FGF1: variants seen among roughly 807,000 people sequenced by gnomAD.
The protein encoded by FGF1 is fibroblast growth factor 1.
A neutral mutation model predicts 13.4 loss-of-function variants in FGF1; 9 were observed. The observed-to-expected ratio is 0.67, with a 90% CI of 0.40 to 1.17. The LOEUF is 1.17. FGF1 is among the 50% of genes most tolerant of loss of function. The probability of loss-of-function intolerance (pLI) is 0.01; values close to 1 mark genes in which losing one functional copy is unlikely to be tolerated. For missense variants in FGF1, 156 were observed against 192.7 expected (o/e 0.81, Z 1.13); for synonymous variants, 93 against 79.0 (o/e 1.18, Z -0.94).
chr5:142,598,932 AT>A (rs1460649642), intron 3 of FGF1, among the ~76,000 whole-genome samples: 1 of 152,234 alleles, frequency 6.6e-6, no homozygotes, highest in African/African-American at 2.4e-5. Context: ...GGGAAAAGCC[AT>A]AAAACTGTGG....
intron 2 of FGF1, among the ~76,000 whole-genome samples, chr5:142,604,470 G>A (rs1757233070): frequency 6.6e-6 from 1 of 152,166 alleles, no homozygotes; most frequent in African/African-American, 2.4e-5. Flanking sequence ...TAAAATTAAA[G>A]AGTGTGGGCT....
intron 1 of FGF1, among the ~76,000 whole-genome samples, chr5:142,617,033 C>T (rs527388254): frequency 6.6e-6 from 1 of 152,302 alleles, no homozygotes; most frequent in African/African-American, 2.4e-5. Flanking sequence ...CAGTGTAGGT[C>T]CCATTTGCCT....
At chr5:142,608,065 C>CAAGAG (rs1425016996) in intron 2 of FGF1, among the ~76,000 whole-genome samples, 1 of 152,146 alleles carries the variant, frequency 6.6e-6, no homozygotes, top group Non-Finnish European at 1.5e-5. Flanking sequence ...CTGCCAGTGC[C>CAAGAG]AAGAGAAGTC....
rs1343286807 is a variant in FGF1, at chr5:142,618,921, G to GT, written c.-34-4761dup. Among the ~76,000 whole-genome samples the GT allele has an allele frequency of 7.7e-3, 830 of 108,252 alleles. 24 individuals are homozygous for GT. The highest frequency in any genetic ancestry group is 0.023 in the East Asian group (62 of 2,648). 71.0% of individuals were successfully genotyped at this position (108,252 alleles called of 152,430 possible). On this transcript the variant is annotated intron_variant, in intron 1 of 3. Coordinates refer to ENST00000337706, the MANE Select transcript of FGF1 (RefSeq NM_000800.5). ...GGCAAACACTGACATTTATTTTTTAGTTGTTTTGTTTTTTTTTTTTTTTTT... is the reference window on the plus strand; with the variant it reads ...GGCAAACACTGACATTTATTTTTTAGTTTGTTTTGTTTTTTTTTTTTTTTTT...
intron 1 of FGF1, chr5:142,680,080 C>G (rs1319661971): frequency 6.6e-6 from 1 of 152,174 alleles, no homozygotes; most frequent in African/African-American, 2.4e-5. Context: ...ATGCATGACA[C>G]CAGTTATAGT....
chr5:142,641,519 G>C (rs1765196455), intron 1 of FGF1, among the ~76,000 whole-genome samples: 1 of 151,826 alleles, frequency 6.6e-6, no homozygotes, highest in Non-Finnish European at 1.5e-5. Flanking sequence ...ATTTTAAATG[G>C]AACTTGACAT....
chr5:142,618,065 G>A (rs1429971492), intron 1 of FGF1, among the ~76,000 whole-genome samples: 1 of 152,188 alleles, frequency 6.6e-6, no homozygotes, highest in Non-Finnish European at 1.5e-5. Flanking sequence ...GCTGTCAGAG[G>A]AGGGGATTGT....
chr5:142,642,165 C>G (rs914409363), intron 1 of FGF1, among the ~76,000 whole-genome samples: 30 of 152,226 alleles, frequency 2.0e-4, no homozygotes, highest in Non-Finnish European at 3.7e-4. Context: ...GAGAAGCCAG[C>G]TGACCCTTGG....
chr5:142,620,816 T>C (rs1761428644), intron 1 of FGF1, among the ~76,000 whole-genome samples: 1 of 152,140 alleles, frequency 6.6e-6, no homozygotes, highest in Non-Finnish European at 1.5e-5. Flanking sequence ...ACATGGAGCA[T>C]TTACGAAAAT....
In FGF1 at chr5:142,592,566, G is replaced by A. The variant is rs1266096767; in HGVS notation, c.*2724C>T. On this transcript the variant is annotated 3_prime_UTR_variant, in exon 4 of 4. Coordinates refer to ENST00000337706, the MANE Select transcript of FGF1 (RefSeq NM_000800.5). ...AAATGAATCCATATGAGAGTCACGT[G>A]ACAGGAGCTGGCTATGAGACTTACT... is the stretch of plus-strand genomic sequence containing the variant. 2.5e-6 allele frequency: 1 copy of A among 396,998 alleles called. No homozygotes were observed. 24.6% of individuals were successfully genotyped at this position (396,998 alleles called of 1,614,324 possible).
chr5:142,608,561 T>TACAC (rs1412519502), intron 2 of FGF1, among the ~76,000 whole-genome samples: 6,913 of 101,770 alleles, frequency 0.068, 221 homozygotes, highest in African/African-American at 0.1. Context: ...TATATATATA[T>TACAC]ATATATATAT....
rs17224045 is a variant in FGF1 at position 142,592,539 on chromosome 5, G to A, written c.*2751C>T. ...ATGATGCTTTGTTCAGAGCTGGCCC[G>A]AAAATGAATCCATATGAGAGTCACG... On this transcript the variant is annotated 3_prime_UTR_variant, in exon 4 of 4. Coordinates refer to ENST00000337706, the MANE Select transcript of FGF1 (RefSeq NM_000800.5). 360 of 397,882 alleles carry A rather than the reference G, an allele frequency of 9.0e-4. 13 individuals carry two copies. Among genetic ancestry groups the A allele is most frequent in the East Asian group, 7.1e-3 (198 of 28,066 alleles). 24.6% of individuals were successfully genotyped at this position (397,882 alleles called of 1,614,324 possible).
rs768317949 is a variant in FGF1, at chr5:142,683,821, C to CAAAAAAAAA, written c.-35+2127_-35+2135dup. 6.9e-3 allele frequency among the ~76,000 whole-genome samples: 344 copies of CAAAAAAAAA among 49,626 alleles called. 5 individuals carry two copies. The highest frequency in any genetic ancestry group is 0.023 in the African/African-American group (260 of 11,532). 32.6% of individuals were successfully genotyped at this position (49,626 alleles called of 152,430 possible). ...GAGCAACAAGAGTGAAACTCTGTCT[C>CAAAAAAAAA]AAAAAAAAAAAAAAAAAAAAAAGGA... On this transcript the variant is annotated intron_variant, in intron 1 of 3. Coordinates refer to ENST00000337706, the MANE Select transcript of FGF1 (RefSeq NM_000800.5).
rs1754449093 is a variant in FGF1 at position 142,592,488 on chromosome 5, G to T, written c.*2802C>A. 2.5e-6 allele frequency: 1 copy of T among 398,424 alleles called. No individual in the cohort carries two copies. The highest frequency in any genetic ancestry group is 4.4e-6 in the Non-Finnish European group (1 of 225,926). The allele number at this position is 398,424 out of a possible 1,614,324, so 24.7% of individuals were successfully genotyped here. A position where few individuals can be genotyped will look rare whatever the true frequency, so the allele number is the denominator to read the frequency against. On this transcript the variant is annotated 3_prime_UTR_variant, in exon 4 of 4. Coordinates refer to ENST00000337706, the MANE Select transcript of FGF1 (RefSeq NM_000800.5). ...TACCTACCTCCACCACCATCACATT[G>T]CAAACGACCAAAAGCACATATGTTC... is the stretch of plus-strand genomic sequence containing the variant.
At chr5:142,692,704 CACAG>C (rs961876640) in intron 2 of FGF1, among the ~76,000 whole-genome samples, 87 of 150,652 alleles carry the variant, frequency 5.8e-4, no homozygotes, top group African/African-American at 2.1e-3. Flanking sequence ...CACACACACG[CACAG>C]ACACACACAC....
intron 2 of FGF1, among the ~76,000 whole-genome samples, chr5:142,602,661 A>G (rs1035580989): frequency 6.6e-6 from 1 of 152,078 alleles, no homozygotes; most frequent in Non-Finnish European, 1.5e-5. Context: ...GTATATTGCA[A>G]AAGACATACT....
At chr5:142,682,616 T>A (rs1274055272) in intron 1 of FGF1, among the ~76,000 whole-genome samples, 3 of 152,150 alleles carry the variant, frequency 2.0e-5, no homozygotes, top group African/African-American at 4.8e-5. Context: ...ACAGAATCTA[T>A]GTACTTAGCT....
upstream of FGF1, among the ~76,000 whole-genome samples, chr5:142,689,926 C>T (rs1231761874): frequency 1.3e-5 from 2 of 149,366 alleles, no homozygotes; most frequent in African/African-American, 2.4e-5. Context: ...TGGTCTCGAT[C>T]TCCTGATCTC....
At chr5:142,691,930 T>C (rs77332201) in intron 2 of FGF1, among the ~76,000 whole-genome samples, 2,885 of 152,328 alleles carry the variant, frequency 0.019, 84 homozygotes, top group East Asian at 0.11. Flanking sequence ...TATGGGACTA[T>C]AGGCTGTGAA....
Sources: gnomAD v4.1 joint callset for allele counts (sites outside exome capture counted in the v4.1 genomes callset) on GRCh38, gnomAD v4.1.1 for gene constraint, MANE v1.5 for transcripts, NCBI Gene and HGNC (gene_info 2026-07-23, HGNC 2026-07-21) for gene names.